The following ZNF69 variants were observed in gnomAD, a reference collection of about 807,000 sequenced individuals.
ZNF69 encodes the protein ZNF3.
ZNF69 carries 47 observed loss-of-function variants against 50.9 expected under a neutral mutation model. The ratio of observed to expected loss-of-function variants is 0.92; its 90% CI spans 0.73 to 1.18. The LOEUF (loss-of-function observed/expected upper bound fraction) is 1.18. Among genes scored for constraint, ZNF69 ranks in the 50% most tolerant of loss-of-function variants. ZNF69 has a pLI of 0.00. For synonymous variants in ZNF69, 216 were observed against 223.1 expected, an observed-to-expected ratio of 0.97 and a Z score of 0.29; for missense variants, 717 against 675.1, an observed-to-expected ratio of 1.06 and a Z score of -0.69.
At chr19:11,950,653 A>G in the ZNF69 span, 4 of 328,868 alleles carry the variant, frequency 1.2e-5, no homozygotes, top group South Asian at 3.2e-5. Context: ...AGATCTGCCA[A>G]GATTCTTTGA....
the ZNF69 span, chr19:11,976,702 AC>A: frequency 3.4e-6 from 1 of 291,534 alleles, no homozygotes; most frequent in Admixed American, 5.3e-5. Flanking sequence ...CCCTGTCTCT[AC>A]TAAAAATACA....
the ZNF69 span, among the ~76,000 whole-genome samples, chr19:11,954,004 C>T: frequency 9.9e-5 from 15 of 152,106 alleles, no homozygotes; most frequent in South Asian, 1.7e-3. Context: ...CTCATTTTTA[C>T]GTATGCATGT....
At chr19:11,904,485 G>T (rs994808584) in intron 3 of ZNF69, among the ~76,000 whole-genome samples, 164 bp from the exon 4 acceptor site, 5 of 152,194 alleles carry the variant, frequency 3.3e-5, no homozygotes, top group East Asian at 3.8e-4. Context: ...TTATGGCTGG[G>T]TCACCTTGTA....
the ZNF69 span, among the ~76,000 whole-genome samples, chr19:11,968,602 G>T: frequency 6.6e-6 from 1 of 152,122 alleles, no homozygotes; most frequent in Non-Finnish European, 1.5e-5. Flanking sequence ...TTTCTTTCTA[G>T]CTGGTTTATA....
At chr19:11,964,971 C>T in the ZNF69 span, 1 of 505,628 alleles carries the variant, frequency 2.0e-6, no homozygotes, top group African/African-American at 2.0e-5. Flanking sequence ...GCCTAGCATT[C>T]CATCCAATCA....
chr19:11,951,457 C>T, the ZNF69 span, among the ~76,000 whole-genome samples: 1 of 151,864 alleles, frequency 6.6e-6, no homozygotes. Context: ...TCTCAAACTC[C>T]GGACCTCGTG....
At chr19:11,913,587 C>T (rs572867677) in exon 5 of ZNF69, 1 of 339,514 alleles carries the variant, frequency 2.9e-6, no homozygotes, top group Admixed American at 4.8e-5. Flanking sequence ...GACAGGGTTT[C>T]ACCATATTGG....
the ZNF69 span, among the ~76,000 whole-genome samples, chr19:11,928,352 G>A: frequency 6.6e-6 from 1 of 152,202 alleles, no homozygotes; most frequent in African/African-American, 2.4e-5. Flanking sequence ...TTTCTTTCTA[G>A]CTGGTTTTTA....
At chr19:11,902,171 G>A (rs922283429) in intron 1 of ZNF69, among the ~76,000 whole-genome samples, 4 of 151,640 alleles carry the variant, frequency 2.6e-5, no homozygotes, top group African/African-American at 4.8e-5. Context: ...TAGTAGAGAC[G>A]GCATTTCTCC....
Position 11,906,327 on chromosome 19 carries a change from C to G in ZNF69, c.*229C>G. On this transcript the variant is annotated 3_prime_UTR_variant, in exon 4 of 4. Coordinates refer to ENST00000429654, the MANE Select transcript of ZNF69 (RefSeq NM_001364730.1). ...TGTCTGACAGCTTTGAAGAGAGTAG[C>G]AGTCCTCCCAGCATGGAGTTTGAGA... The G allele has an allele frequency of 3.3e-6, 4 of 1,218,510 alleles. No individual in the cohort carries two copies. Among genetic ancestry groups the G allele is most frequent in the Non-Finnish European group, 4.2e-6 (4 of 943,132 alleles). 75.5% of individuals were successfully genotyped at this position (1,218,510 alleles called of 1,614,324 possible). A position where few individuals can be genotyped will look rare whatever the true frequency, so the allele number is the denominator to read the frequency against.
the ZNF69 span, among the ~76,000 whole-genome samples, chr19:11,970,098 A>G: frequency 3.9e-5 from 6 of 152,288 alleles, no homozygotes; most frequent in Admixed American, 6.5e-5. Flanking sequence ...TACATAACCA[A>G]TTCTTGGGGT....
chr19:11,952,512 CTT>C, the ZNF69 span, among the ~76,000 whole-genome samples: 1 of 152,158 alleles, frequency 6.6e-6, no homozygotes, highest in Non-Finnish European at 1.5e-5. Context: ...GGAAAAGTAA[CTT>C]TTATATATTA....
chr19:11,966,663 C>G, the ZNF69 span, among the ~76,000 whole-genome samples: 1 of 152,194 alleles, frequency 6.6e-6, no homozygotes, highest in Non-Finnish European at 1.5e-5. Flanking sequence ...TGTGAGCCAC[C>G]TCGCCTGGCC....
the ZNF69 span, among the ~76,000 whole-genome samples, chr19:11,922,858 G>A: frequency 6.8e-6 from 1 of 146,640 alleles, no homozygotes; most frequent in Non-Finnish European, 1.5e-5. Flanking sequence ...ACAGTGTCTT[G>A]CTGAAGTTCA....
intron 4 of ZNF69, chr19:11,913,364 A>G (rs1263843636): frequency 1.7e-6 from 1 of 595,914 alleles, no homozygotes; most frequent in Non-Finnish European, 3.0e-6. Context: ...ATGTACTTAC[A>G]TTTTTATCTC....
At chr19:11,904,510 G>T in intron 3 of ZNF69, 139 bp from the exon 4 acceptor site, 1 of 1,260,602 alleles carries the variant, frequency 7.9e-7, no homozygotes, top group South Asian at 1.6e-5. Flanking sequence ...GGGTTGTCCA[G>T]TCACCTTCAA....
intron 3 of ZNF69, among the ~76,000 whole-genome samples, 164 bp from the exon 4 acceptor site, chr19:11,904,485 G>A (rs994808584): frequency 6.6e-6 from 1 of 152,194 alleles, no homozygotes; most frequent in Non-Finnish European, 1.5e-5. Flanking sequence ...TTATGGCTGG[G>A]TCACCTTGTA....
At chr19:11,930,098 CA>C in the ZNF69 span, among the ~76,000 whole-genome samples, 1 of 148,202 alleles carries the variant, frequency 6.7e-6, no homozygotes, top group Admixed American at 6.6e-5. Context: ...CCCAAGGGAG[CA>C]GCTGAATGAC....
At chr19:11,943,702 G>A in the ZNF69 span, among the ~76,000 whole-genome samples, 56 of 152,250 alleles carry the variant, frequency 3.7e-4, no homozygotes, top group South Asian at 3.7e-3. Context: ...CTAGAAAACC[G>A]AAAGATTGTT....
Sources: gnomAD v4.1 joint callset for allele counts (sites outside exome capture counted in the v4.1 genomes callset) on GRCh38, gnomAD v4.1.1 for gene constraint, MANE v1.5 for transcripts, NCBI Gene and HGNC (gene_info 2026-07-23, HGNC 2026-07-21) for gene names.